THRAP3: variants seen among roughly 807,000 people sequenced by gnomAD.
The protein encoded by THRAP3 is thyroid hormone receptor-associated protein 3.
Under a neutral mutation model 101.0 loss-of-function variants are expected in THRAP3, and 16 were observed. The ratio of observed to expected loss-of-function variants is 0.16; its 90% CI spans 0.11 to 0.24. The LOEUF (loss-of-function observed/expected upper bound fraction) is 0.24, where lower values mean the gene tolerates loss of function less well. Among genes scored for constraint, THRAP3 ranks in the 10% least tolerant of loss-of-function variants. THRAP3 has a pLI of 1.00. For missense variants in THRAP3, 989 were observed against 1,202.7 expected (o/e 0.82, Z 2.63); for synonymous variants, 407 against 422.6 (o/e 0.96, Z 0.45).
At chr1:36,296,296 G>A (rs890609487) in intron 8 of THRAP3, among the ~76,000 whole-genome samples, 1 of 152,056 alleles carries the variant, frequency 6.6e-6, no homozygotes, top group African/African-American at 2.4e-5. Context: ...TTCTAAACTA[G>A]CCAGAGTCAT....
intron 1 of THRAP3, among the ~76,000 whole-genome samples, chr1:36,242,414 A>T (rs1408915293): frequency 6.6e-6 from 1 of 151,234 alleles, no homozygotes; most frequent in Non-Finnish European, 1.5e-5. Flanking sequence ...TAGTCTCTCA[A>T]AGTGCTGGGA....
chr1:36,301,681 C>A lies in THRAP3; in HGVS notation c.2631C>A (p.Ser877Arg). The change falls in exon 11 of 12, where the codon AGC (serine) becomes AGA (arginine). Residue 877 changes from serine to arginine, a missense_variant. By Grantham distance (110) the Ser-to-Arg change is moderately radical. Transcript: ENST00000354618. ...EEWDPEYTPK[S>R]KKYYLHDDRE... ...GGGACCCAGAGTACACACCCAAAAG[C>A]AAGAAGTATTACTTGGTATGTGTCT... is the stretch of plus-strand genomic sequence containing the variant. 1.9e-6 allele frequency: 3 copies of A among 1,613,578 alleles called. No homozygotes were observed. The highest frequency in any genetic ancestry group is 2.5e-6 in the Non-Finnish European group (3 of 1,179,732).
At chr1:36,244,723 T>G (rs1350845315) in intron 1 of THRAP3, among the ~76,000 whole-genome samples, 2 of 142,126 alleles carry the variant, frequency 1.4e-5, no homozygotes, top group Non-Finnish European at 3.1e-5. Flanking sequence ...TACTTGTGGG[T>G]TTTTTTTTTT....
At position 36,299,691 on chromosome 1, in the gene THRAP3, T is replaced by G. The variant is rs188260259; in HGVS notation, c.2304-1195T>G. 4.3e-4 allele frequency among the ~76,000 whole-genome samples: 66 copies of G among 152,034 alleles called. 2 individuals are homozygous for G. The East Asian group carries it at 0.012, about 27-fold the overall frequency. Reference sequence around the variant, plus strand: ...ACCCAGCTAATTTTTGTATTTTTAGTAGAGATGGGGTTTCGCCATGTTGGC... The same window carrying G: ...ACCCAGCTAATTTTTGTATTTTTAGGAGAGATGGGGTTTCGCCATGTTGGC... On this transcript the variant is annotated intron_variant, in intron 9 of 11. Coordinates refer to ENST00000354618, the MANE Select transcript of THRAP3 (RefSeq NM_005119.4).
intron 2 of THRAP3, among the ~76,000 whole-genome samples, chr1:36,278,746 A>AC (rs1472227104): frequency 6.6e-6 from 1 of 152,002 alleles, no homozygotes; most frequent in African/African-American, 2.4e-5. Context: ...ACACAGTGAA[A>AC]CCCCGTCTTT....
At chr1:36,223,233 T>A (rs987206412), upstream of THRAP3, among the ~76,000 whole-genome samples, 11 of 151,334 alleles carry the variant, frequency 7.3e-5, no homozygotes, top group Admixed American at 2.0e-4. Context: ...GAAGAAAGAG[T>A]AAGCCGTGTG....
intron 1 of THRAP3, among the ~76,000 whole-genome samples, chr1:36,252,969 T>TATAA (rs1553194067): frequency 1.9e-4 from 24 of 124,538 alleles, no homozygotes; most frequent in Non-Finnish European, 3.1e-4. Context: ...TATATATATA[T>TATAA]AAATGTAAAT....
intron 1 of THRAP3, among the ~76,000 whole-genome samples, chr1:36,254,468 A>G (rs1167541428): frequency 6.6e-6 from 1 of 152,220 alleles, no homozygotes; most frequent in Admixed American, 6.5e-5. Context: ...GATGTGATGG[A>G]TATGCACTGG....
intron 2 of THRAP3, among the ~76,000 whole-genome samples, chr1:36,279,431 AC>A (rs1308766068): frequency 1.7e-4 from 26 of 152,240 alleles, no homozygotes; most frequent in Non-Finnish European, 1.2e-4. Flanking sequence ...AACCAAAAAA[AC>A]AAAATGTATT....
At chr1:36,294,715 C>T (rs1645923005) in intron 8 of THRAP3, among the ~76,000 whole-genome samples, 1 of 152,188 alleles carries the variant, frequency 6.6e-6, no homozygotes, top group Admixed American at 6.5e-5. Context: ...GTCTTTCCTC[C>T]TCCGAGTACC....
At chr1:36,271,290 T>TC (rs1344504397) in intron 2 of THRAP3, among the ~76,000 whole-genome samples, 1 of 152,216 alleles carries the variant, frequency 6.6e-6, no homozygotes, top group Non-Finnish European at 1.5e-5. Context: ...AGGCAAATTT[T>TC]TTTTTCCCCC....
upstream of THRAP3, chr1:36,224,279 A>G (rs1206572877): frequency 6.6e-6 from 1 of 152,320 alleles, no homozygotes; most frequent in Admixed American, 6.5e-5. Flanking sequence ...CGCGTGACGC[A>G]AAGCGGCGGG....
At chr1:36,260,163 A>G (rs1557427524) in intron 2 of THRAP3, among the ~76,000 whole-genome samples, 2 of 152,040 alleles carry the variant, frequency 1.3e-5, no homozygotes, top group South Asian at 4.1e-4. Context: ...AATCACTTCA[A>G]TGCAGAAGGT....
chr1:36,263,799 T>TGG (rs1260149978), intron 2 of THRAP3, among the ~76,000 whole-genome samples: 1 of 152,222 alleles, frequency 6.6e-6, no homozygotes, highest in Non-Finnish European at 1.5e-5. Flanking sequence ...TTGCTTACAC[T>TGG]GGGGATGTTT....
intron 2 of THRAP3, among the ~76,000 whole-genome samples, chr1:36,271,901 T>A (rs1422125253): frequency 6.6e-6 from 1 of 152,078 alleles, no homozygotes; most frequent in Admixed American, 6.6e-5. Flanking sequence ...GCCTAATTTT[T>A]GTATTTTTAA....
intron 1 of THRAP3, among the ~76,000 whole-genome samples, chr1:36,252,927 C>CACATATATATAT (rs1645321619): frequency 1.3e-5 from 1 of 76,538 alleles, no homozygotes; most frequent in Admixed American, 1.7e-4. Context: ...TATAGATAGG[C>CACATATATATAT]ATATATATAT....
intron 1 of THRAP3, among the ~76,000 whole-genome samples, chr1:36,250,229 T>C (rs2124449352): frequency 6.6e-6 from 1 of 152,094 alleles, no homozygotes; most frequent in Admixed American, 6.5e-5. Flanking sequence ...TTTTTTTTTT[T>C]TTGAGACAAA....
chr1:36,298,126 G>A (rs550214885), intron 9 of THRAP3, among the ~76,000 whole-genome samples: 4 of 119,210 alleles, frequency 3.4e-5, no homozygotes, highest in African/African-American at 6.3e-5. Context: ...CAGCCTAGGC[G>A]ACAGAGTGAG....
At chr1:36,277,119 C>A (rs1224412972) in intron 2 of THRAP3, among the ~76,000 whole-genome samples, 1 of 151,828 alleles carries the variant, frequency 6.6e-6, no homozygotes, top group Non-Finnish European at 1.5e-5. Flanking sequence ...CAGGCGCCTG[C>A]CACCACGCCT....
Sources: gnomAD v4.1 joint callset for allele counts (sites outside exome capture counted in the v4.1 genomes callset) on GRCh38, gnomAD v4.1.1 for gene constraint, MANE v1.5 for transcripts, NCBI Gene and HGNC (gene_info 2026-07-23, HGNC 2026-07-21) for gene names.